Variants in SNX30 observed in about 807,000 individuals in gnomAD.
SNX30 encodes sorting nexin-30.
A neutral mutation model predicts 46.4 loss-of-function variants in SNX30; 24 were observed. The ratio of observed to expected loss-of-function variants is 0.52; its 90% confidence interval spans 0.37 to 0.73. SNX30 has a LOEUF of 0.73. SNX30 is among the 30% of genes least tolerant of loss of function. The pLI is 0.00. For synonymous variants in SNX30, 189 were observed against 211.5 expected, an observed-to-expected ratio of 0.89 and a Z score of 0.92; for missense variants, 533 against 555.7, an observed-to-expected ratio of 0.96 and a Z score of 0.41.
intron 1 of SNX30, among the ~76,000 whole-genome samples, chr9:112,768,542 C>T (rs1396229273): frequency 1.3e-5 from 2 of 149,814 alleles, no homozygotes; most frequent in African/African-American, 4.9e-5. Flanking sequence ...ATCTCTTAGA[C>T]AATACTGATG....
intron 1 of SNX30, among the ~76,000 whole-genome samples, chr9:112,768,721 A>G (rs1401739657): frequency 7.8e-6 from 1 of 128,624 alleles, no homozygotes; most frequent in Non-Finnish European, 1.5e-5. Context: ...CAATGGTACG[A>G]TCTTGGCTCG....
chr9:112,779,054 C>T (rs1222839220), intron 1 of SNX30, among the ~76,000 whole-genome samples: 1 of 152,230 alleles, frequency 6.6e-6, no homozygotes, highest in Non-Finnish European at 1.5e-5. Context: ...GTGCTCGTGG[C>T]ACTTGGGGGA....
intron 6 of SNX30, 83 bp downstream of exon 6, chr9:112,838,780 C>A: frequency 7.4e-7 from 1 of 1,342,474 alleles, no homozygotes; most frequent in Non-Finnish European, 1.0e-6. Flanking sequence ...TGCCTGTTTG[C>A]ATGTGATATA....
chr9:112,838,739 T>A, intron 6 of SNX30, 42 bp downstream of exon 6: 1 of 1,562,132 alleles, frequency 6.4e-7, no homozygotes, highest in Non-Finnish European at 8.8e-7. Context: ...ACTTTCTTTG[T>A]AATAGCAGTT....
chr9:112,793,567 G>C (rs140122380), intron 1 of SNX30, among the ~76,000 whole-genome samples: 5 of 152,102 alleles, frequency 3.3e-5, no homozygotes, highest in Admixed American at 6.5e-5. Flanking sequence ...TCAAATTAGC[G>C]TGCGTGTAAA....
At chr9:112,762,145 C>G (rs971704264) in intron 1 of SNX30, among the ~76,000 whole-genome samples, 1 of 152,052 alleles carries the variant, frequency 6.6e-6, no homozygotes, top group Non-Finnish European at 1.5e-5. Flanking sequence ...CATATGCTGT[C>G]TTATGTCTGC....
chr9:112,813,061 C>T (rs1313888064), intron 2 of SNX30, among the ~76,000 whole-genome samples: 1 of 152,090 alleles, frequency 6.6e-6, no homozygotes, highest in Non-Finnish European at 1.5e-5. Context: ...GCAGGAGAAT[C>T]ACCTGAACCT....
intron 8 of SNX30, among the ~76,000 whole-genome samples, chr9:112,865,645 ATATATATATATATATATGTATG>A (rs1428924205): frequency 1.2e-5 from 1 of 84,368 alleles, no homozygotes; most frequent in South Asian, 3.4e-4. Context: ...ATATATATAT[ATATATATATATATATATGTATG>A]TATGTATGCA....
chr9:112,757,838 T>C (rs1393672469), intron 1 of SNX30, among the ~76,000 whole-genome samples: 1 of 152,202 alleles, frequency 6.6e-6, no homozygotes, highest in Non-Finnish European at 1.5e-5. Flanking sequence ...CCAGCTTGGA[T>C]CATTCCATTT....
intron 7 of SNX30, among the ~76,000 whole-genome samples, chr9:112,853,910 T>C (rs1467400968): frequency 6.6e-6 from 1 of 152,210 alleles, no homozygotes; most frequent in African/African-American, 2.4e-5. Flanking sequence ...CAGTTAAATA[T>C]TTAAGGAAAA....
intron 1 of SNX30, among the ~76,000 whole-genome samples, chr9:112,751,453 G>C (rs1358483451): frequency 6.6e-6 from 1 of 152,208 alleles, no homozygotes; most frequent in African/African-American, 2.4e-5. Flanking sequence ...AGGGCAGGGC[G>C]CCTGTGTCCT....
Position 112,817,815 on chromosome 9 carries a change from C to T in SNX30, c.459C>T (p.Pro153=), listed in dbSNP as rs377113152. ...LEESQPTHLI[P]PLPEKFVVKG... is the part of the protein sequence containing the mutation. The stretch of plus-strand genomic sequence containing the variant: ...AATCCCAGCCCACTCATCTCATTCC[C>T]GTAGGTAGTAAGTCACTACAGCTTG... The change falls in exon 3 of 9, where the codon CCC becomes CCT. Residue 153 remains proline, a splice_region_variant and synonymous_variant. Coordinates refer to ENST00000374232, the MANE Select transcript of SNX30 (RefSeq NM_001012994.2). 3.3e-5 allele frequency: 53 copies of T among 1,599,306 alleles called. No individual in the cohort carries two copies. The African/African-American group carries it at 3.5e-4, about 11-fold the overall frequency.
chr9:112,851,274 T>A (rs551985981), intron 7 of SNX30, among the ~76,000 whole-genome samples: 120 of 152,282 alleles, frequency 7.9e-4, no homozygotes, highest in African/African-American at 2.8e-3. Flanking sequence ...CAAAGTGTGG[T>A]TCATAGGCCC....
intron 6 of SNX30, among the ~76,000 whole-genome samples, chr9:112,847,955 A>C (rs1038769841): frequency 6.6e-6 from 1 of 152,090 alleles, no homozygotes; most frequent in African/African-American, 2.4e-5. Context: ...TCTCCTCTAG[A>C]ATGTAAGCTC....
chr9:112,761,842 C>CT (rs1839441820), intron 1 of SNX30, among the ~76,000 whole-genome samples: 1 of 152,028 alleles, frequency 6.6e-6, no homozygotes, highest in Admixed American at 6.6e-5. Context: ...CCAGGAAGCT[C>CT]TTTTTTATTA....
At chr9:112,860,436 CCTT>C (rs1487255545) in intron 7 of SNX30, among the ~76,000 whole-genome samples, 1 of 152,218 alleles carries the variant, frequency 6.6e-6, no homozygotes, top group Non-Finnish European at 1.5e-5. Context: ...GTGGACCTGT[CCTT>C]CATTCTGAGC....
chr9:112,830,163 G>A (rs1005699478), intron 3 of SNX30, among the ~76,000 whole-genome samples: 1 of 151,908 alleles, frequency 6.6e-6, no homozygotes, highest in Non-Finnish European at 1.5e-5. Flanking sequence ...TTGAATAAGG[G>A]GAATAAAGGA....
Position 112,867,364 on chromosome 9 carries a change from T to C in SNX30, c.1255-1420T>C, listed in dbSNP as rs868692520. On this transcript the variant is annotated intron_variant, in intron 8 of 8. Transcript: ENST00000374232. ...CAGAACTCTTCCCACCTCCTCAGAA[T>C]TCCTCCTCCCTCCTCAGAACTCTTC... is the stretch of plus-strand genomic sequence containing the variant. Among the ~76,000 whole-genome samples the C allele has an allele frequency of 9.2e-4, 121 of 131,534 alleles. 2 individuals are homozygous for C. Among genetic ancestry groups the C allele is most frequent in the African/African-American group, 3.2e-3 (111 of 34,384 alleles). The allele number at this position is 131,534 out of a possible 152,430, so 86.3% of individuals were successfully genotyped here. A position where few individuals can be genotyped will look rare whatever the true frequency, so the allele number is the denominator to read the frequency against.
downstream of SNX30, chr9:112,878,922 C>T (rs957236223): frequency 3.3e-5 from 5 of 152,138 alleles, no homozygotes; most frequent in African/African-American, 1.2e-4. Context: ...CACACTCATA[C>T]AATGAATGTT....
Sources: gnomAD v4.1 joint callset for allele counts (sites outside exome capture counted in the v4.1 genomes callset) on GRCh38, gnomAD v4.1.1 for gene constraint, MANE v1.5 for transcripts, NCBI Gene and HGNC (gene_info 2026-07-23, HGNC 2026-07-21) for gene names.